The following SNTG1 variants were observed in gnomAD, a reference collection of about 807,000 sequenced individuals.
The protein encoded by SNTG1 is syntrophin gamma 1.
In SNTG1, 39 loss-of-function variants were observed where a neutral mutation model predicts 74.7. The ratio of observed to expected loss-of-function variants is 0.52; its 90% CI spans 0.40 to 0.68. The LOEUF is 0.68. SNTG1 is among the 30% of genes least tolerant of loss of function. SNTG1 has a pLI of 0.00. For synonymous variants in SNTG1, 254 were observed against 217.1 expected (o/e 1.17, Z -1.49); for missense variants, 685 against 609.5 (o/e 1.12, Z -1.30).
At chr8:50,763,894 CACACACACACACA>C (rs2095606485) in intron 18 of SNTG1, among the ~76,000 whole-genome samples, 1 of 118,020 alleles carries the variant, frequency 8.5e-6, no homozygotes, top group African/African-American at 5.9e-5. Flanking sequence ...CACACACACA[CACACACACACACA>C]AAAATAACCA....
chr8:50,155,707 A>T (rs1388997960), intron 1 of SNTG1, among the ~76,000 whole-genome samples: 1 of 152,020 alleles, frequency 6.6e-6, no homozygotes, highest in African/African-American at 2.4e-5. Context: ...TATTAGAAAG[A>T]ATAAAAGGTT....
chr8:50,694,285 G>A (rs146220165), intron 15 of SNTG1, among the ~76,000 whole-genome samples: 33 of 150,912 alleles, frequency 2.2e-4, no homozygotes, highest in African/African-American at 7.7e-4. Flanking sequence ...GAAATACAAA[G>A]GATCATAAAC....
chr8:49,946,719 A>G (rs1169868101), intron 1 of SNTG1, among the ~76,000 whole-genome samples: 1 of 152,134 alleles, frequency 6.6e-6, no homozygotes, highest in East Asian at 1.9e-4. Context: ...GGTTAATTTT[A>G]TGAAAATCAA....
At chr8:50,648,521 C>T (rs939985625) in intron 13 of SNTG1, among the ~76,000 whole-genome samples, 1 of 152,026 alleles carries the variant, frequency 6.6e-6, no homozygotes, top group Non-Finnish European at 1.5e-5. Context: ...TTTACAATAA[C>T]TAAAATTTCA....
intron 13 of SNTG1, among the ~76,000 whole-genome samples, chr8:50,598,773 T>A (rs1258514026): frequency 1.3e-5 from 2 of 152,034 alleles, no homozygotes; most frequent in East Asian, 3.8e-4. Flanking sequence ...TTATAGTTTT[T>A]ATTATAGAGA....
At chr8:50,781,067 G>T (rs1563832985) in intron 18 of SNTG1, among the ~76,000 whole-genome samples, 2 of 152,188 alleles carry the variant, frequency 1.3e-5, no homozygotes, top group African/African-American at 4.8e-5. Flanking sequence ...TGGTCTGAGA[G>T]ACAGTTTGTT....
At chr8:50,037,901 G>A (rs1484680377) in intron 1 of SNTG1, among the ~76,000 whole-genome samples, 1 of 152,202 alleles carries the variant, frequency 6.6e-6, no homozygotes, top group Non-Finnish European at 1.5e-5. Flanking sequence ...AGCCATGAAA[G>A]GGACTTTGTG....
chr8:50,473,167 C>G (rs1360055107), intron 8 of SNTG1, among the ~76,000 whole-genome samples: 2 of 152,100 alleles, frequency 1.3e-5, no homozygotes, highest in Non-Finnish European at 2.9e-5. Context: ...TGGTTTTCCC[C>G]ATGCTCTGCT....
At chr8:50,364,362 G>A (rs1168460770) in intron 2 of SNTG1, among the ~76,000 whole-genome samples, 1 of 152,136 alleles carries the variant, frequency 6.6e-6, no homozygotes, top group Non-Finnish European at 1.5e-5. Flanking sequence ...AAGGGTTTTA[G>A]GCAGTCTACC....
chr8:49,916,305 T>C (rs1806027810), intron 1 of SNTG1, among the ~76,000 whole-genome samples: 1 of 152,160 alleles, frequency 6.6e-6, no homozygotes, highest in Admixed American at 6.5e-5. Flanking sequence ...TATCTTTGAA[T>C]TATCCTTAAA....
chr8:50,666,450 G>C (rs187630451), intron 15 of SNTG1, among the ~76,000 whole-genome samples: 1 of 152,202 alleles, frequency 6.6e-6, no homozygotes, highest in Non-Finnish European at 1.5e-5. Context: ...GTTCTTGTTT[G>C]TAGAAGGTAC....
At chr8:50,776,334 A>T (rs1192904202) in intron 18 of SNTG1, among the ~76,000 whole-genome samples, 2 of 149,468 alleles carry the variant, frequency 1.3e-5, no homozygotes, top group Non-Finnish European at 3.0e-5. Context: ...ACATCTTATC[A>T]GTTAGGTGTA....
chr8:50,512,624 C>CT (rs1473480838), intron 9 of SNTG1, among the ~76,000 whole-genome samples: 1 of 152,094 alleles, frequency 6.6e-6, no homozygotes, highest in Admixed American at 6.5e-5. Context: ...TCTTTTTATT[C>CT]TTTTTTCTCT....
intron 1 of SNTG1, among the ~76,000 whole-genome samples, chr8:50,114,589 G>A (rs1037343703): frequency 6.6e-5 from 10 of 152,116 alleles, no homozygotes; most frequent in African/African-American, 2.2e-4. Context: ...GAACAAAGCC[G>A]GGCGCAGTGG....
At chr8:50,191,494 T>C (rs930811721) in intron 2 of SNTG1, among the ~76,000 whole-genome samples, 6 of 152,130 alleles carry the variant, frequency 3.9e-5, no homozygotes, top group African/African-American at 1.4e-4. Flanking sequence ...CTATCTTTGG[T>C]TAATCAGCTG....
intron 8 of SNTG1, among the ~76,000 whole-genome samples, chr8:50,487,881 G>A (rs1439762446): frequency 6.6e-6 from 1 of 151,946 alleles, no homozygotes; most frequent in African/African-American, 2.4e-5. Flanking sequence ...GAACTAAAGG[G>A]CTTTATCAAC....
chr8:50,502,944 G>A, intron 9 of SNTG1, 64 bp downstream of exon 9: 1 of 1,297,392 alleles, frequency 7.7e-7, no homozygotes, highest in Non-Finnish European at 1.1e-6. Flanking sequence ...TTATTATTTT[G>A]ACAATAATTG....
intron 1 of SNTG1, among the ~76,000 whole-genome samples, chr8:50,143,711 G>A (rs1161620807): frequency 6.6e-6 from 1 of 152,164 alleles, no homozygotes. Context: ...AACTCTGTTG[G>A]TCTGGTTTAA....
At chr8:50,174,141 T>C (rs2082909150) in intron 2 of SNTG1, among the ~76,000 whole-genome samples, 1 of 152,224 alleles carries the variant, frequency 6.6e-6, no homozygotes, top group Non-Finnish European at 1.5e-5. Context: ...TCCAGCTTCA[T>C]CCACGTCCCT....
Sources: gnomAD v4.1 joint callset for allele counts (sites outside exome capture counted in the v4.1 genomes callset) on GRCh38, gnomAD v4.1.1 for gene constraint, MANE v1.5 for transcripts, NCBI Gene and HGNC (gene_info 2026-07-23, HGNC 2026-07-21) for gene names.